The following ROBO1 variants were observed in gnomAD, a reference collection of about 807,000 sequenced individuals.
The protein encoded by ROBO1 is roundabout homolog 1.
ROBO1 carries 149 observed loss-of-function variants against 195.9 expected under a neutral mutation model. That is an observed-to-expected ratio of 0.76 (90% confidence interval 0.67 to 0.87). The LOEUF (loss-of-function observed/expected upper bound fraction) is 0.87, where lower values mean the gene tolerates loss of function less well. Among genes scored for constraint, ROBO1 ranks in the 40% least tolerant of loss-of-function variants. The pLI is 0.00. For missense variants in ROBO1, 1,933 were observed against 2,068.3 expected, an observed-to-expected ratio of 0.93 and a Z score of 1.27; for synonymous variants, 816 against 733.2, an observed-to-expected ratio of 1.11 and a Z score of -1.82.
chr3:78,718,352 A>T (rs1406764199), intron 5 of ROBO1, among the ~76,000 whole-genome samples: 2 of 152,162 alleles, frequency 1.3e-5, no homozygotes, highest in Non-Finnish European at 2.9e-5. Context: ...TGTCTCTAAT[A>T]ACTTAATTTG....
chr3:79,599,335 G>A (rs1944272035), intron 1 of ROBO1, among the ~76,000 whole-genome samples: 1 of 151,996 alleles, frequency 6.6e-6, no homozygotes, highest in South Asian at 2.1e-4. Flanking sequence ...AGCAATAATT[G>A]TATGACTTCT....
At chr3:78,925,032 T>C (rs1212817880) in intron 4 of ROBO1, among the ~76,000 whole-genome samples, 2 of 152,066 alleles carry the variant, frequency 1.3e-5, no homozygotes, top group Admixed American at 1.3e-4. Context: ...AGGTTCTATG[T>C]TGTCATGCCT....
intron 1 of ROBO1, among the ~76,000 whole-genome samples, chr3:79,766,131 G>T (rs539733443): frequency 5.3e-5 from 8 of 151,864 alleles, no homozygotes; most frequent in Non-Finnish European, 4.4e-5. Context: ...GAGTTCCTGC[G>T]TCTGGAAATC....
rs1316112802 is a variant in ROBO1 at position 79,686,650 on chromosome 3, A to C, written c.-51+81102T>G. 3.9e-5 allele frequency among the ~76,000 whole-genome samples: 6 copies of C among 152,234 alleles called. No individual in the cohort carries two copies. The East Asian group carries it at 9.7e-4, about 25-fold the overall frequency. On this transcript the variant is annotated intron_variant, in intron 1 of 30. Coordinates refer to ENST00000464233, the MANE Select transcript of ROBO1 (RefSeq NM_002941.4). ...AAAGAGAATAAAATACCTAGGAATC[A>C]AACTTACAAGGGAAGTGAAGGACCT...
chr3:79,326,453 A>G (rs2109150460), intron 2 of ROBO1, among the ~76,000 whole-genome samples: 1 of 152,294 alleles, frequency 6.6e-6, no homozygotes, highest in East Asian at 1.9e-4. Context: ...TTTCTCAAAC[A>G]GGCCGATGCT....
intron 1 of ROBO1, among the ~76,000 whole-genome samples, chr3:79,763,822 C>T (rs571960294): frequency 3.9e-5 from 6 of 152,166 alleles, no homozygotes; most frequent in Admixed American, 3.9e-4. Context: ...GCAGATAATG[C>T]TTTGGACATG....
At chr3:78,759,323 A>C (rs1316969460) in intron 4 of ROBO1, 1 of 152,136 alleles carries the variant, frequency 6.6e-6, no homozygotes, top group Non-Finnish European at 1.5e-5. Flanking sequence ...TATGATAAAG[A>C]ATCTCAGGCC....
chr3:78,713,998 T>C (rs1320627333), intron 8 of ROBO1, among the ~76,000 whole-genome samples: 2 of 152,184 alleles, frequency 1.3e-5, no homozygotes, highest in African/African-American at 2.4e-5. Flanking sequence ...TGGATGATCT[T>C]GAAGTAATGA....
chr3:78,683,520 T>A (rs2080980488), intron 10 of ROBO1, among the ~76,000 whole-genome samples: 1 of 152,004 alleles, frequency 6.6e-6, no homozygotes, highest in Admixed American at 6.6e-5. Flanking sequence ...AGACTTAGTA[T>A]AAGCTACAAT....
chr3:78,955,163 T>A (rs1458663513), intron 3 of ROBO1, among the ~76,000 whole-genome samples: 1 of 150,464 alleles, frequency 6.6e-6, no homozygotes, highest in Non-Finnish European at 1.5e-5. Flanking sequence ...TTGTGTGTCA[T>A]GGGGTTATAT....
chr3:79,728,804 T>C (rs1277922597), intron 1 of ROBO1, among the ~76,000 whole-genome samples: 3 of 152,104 alleles, frequency 2.0e-5, no homozygotes. Context: ...TATTAAGCCA[T>C]TTAATGAAAA....
intron 2 of ROBO1, among the ~76,000 whole-genome samples, chr3:79,575,250 A>AATATATATAAATATATATAACAAAT (rs1249142367): frequency 5.6e-5 from 7 of 123,938 alleles, no homozygotes; most frequent in East Asian, 2.2e-4. Context: ...ATATATAACA[A>AATATATATAAATATATATAACAAAT]ATATATATAA....
At chr3:79,433,579 A>T (rs1232187955) in intron 2 of ROBO1, among the ~76,000 whole-genome samples, 7 of 152,066 alleles carry the variant, frequency 4.6e-5, no homozygotes, top group African/African-American at 1.7e-4. Context: ...ACAAGGTTCC[A>T]TGTTCATGGG....
At chr3:79,189,105 G>A (rs961582843) in intron 2 of ROBO1, among the ~76,000 whole-genome samples, 1 of 151,758 alleles carries the variant, frequency 6.6e-6, no homozygotes, top group African/African-American at 2.4e-5. Context: ...CCAGTTTATA[G>A]TATTTGTTGT....
At chr3:78,677,532 T>C (rs1160254433) in intron 10 of ROBO1, among the ~76,000 whole-genome samples, 2 of 151,756 alleles carry the variant, frequency 1.3e-5, no homozygotes, top group Admixed American at 1.3e-4. Flanking sequence ...TCCTAGTCTC[T>C]GATAAAACAG....
chr3:79,381,799 A>G (rs918245614), intron 2 of ROBO1, among the ~76,000 whole-genome samples: 1 of 152,056 alleles, frequency 6.6e-6, no homozygotes, highest in African/African-American at 2.4e-5. Context: ...GTAGGTATAT[A>G]TATATAATTA....
chr3:79,169,709 GGT>G (rs2108689217), intron 2 of ROBO1, among the ~76,000 whole-genome samples: 1 of 152,128 alleles, frequency 6.6e-6, no homozygotes, highest in African/African-American at 2.4e-5. Flanking sequence ...GTTCAGCTTT[GGT>G]GTTACCATTT....
At chr3:79,464,395 A>G (rs1937833058) in intron 2 of ROBO1, among the ~76,000 whole-genome samples, 1 of 152,182 alleles carries the variant, frequency 6.6e-6, no homozygotes, top group South Asian at 2.1e-4. Flanking sequence ...CACTGCATAA[A>G]TATTCCAATT....
chr3:79,493,535 T>G (rs1939576277), intron 2 of ROBO1, among the ~76,000 whole-genome samples: 1 of 151,966 alleles, frequency 6.6e-6, no homozygotes, highest in East Asian at 1.9e-4. Flanking sequence ...ATTGACTAGT[T>G]TTTGTTTTGT....
Sources: allele counts gnomAD v4.1 joint callset (sites outside exome capture counted in the v4.1 genomes callset), GRCh38; gene constraint gnomAD v4.1.1; transcripts MANE v1.5; gene names NCBI Gene and HGNC (gene_info 2026-07-23, HGNC 2026-07-21).